Variants in NUBPL observed in about 807,000 individuals in gnomAD.
The protein encoded by NUBPL is iron-sulfur cluster transfer protein NUBPL.
Under a neutral mutation model 45.7 loss-of-function variants are expected in NUBPL, and 31 were observed. That is an observed-to-expected ratio of 0.68 (90% CI 0.51 to 0.92). The LOEUF (loss-of-function observed/expected upper bound fraction) is 0.92, where lower values mean the gene tolerates loss of function less well. Among genes scored for constraint, NUBPL ranks in the 40% least tolerant of loss-of-function variants. The pLI is 0.00. For missense variants in NUBPL, 401 were observed against 398.7 expected, an observed-to-expected ratio of 1.01 and a Z score of -0.05; for synonymous variants, 144 against 140.9, an observed-to-expected ratio of 1.02 and a Z score of -0.15.
intron 4 of NUBPL, among the ~76,000 whole-genome samples, chr14:31,632,261 A>G (rs2035365172): frequency 6.6e-6 from 1 of 152,132 alleles, no homozygotes; most frequent in Non-Finnish European, 1.5e-5. Flanking sequence ...AGTTGGGGGG[A>G]AGGAGTATCC....
At chr14:31,693,514 T>G (rs2037137270) in intron 6 of NUBPL, among the ~76,000 whole-genome samples, 1 of 152,196 alleles carries the variant, frequency 6.6e-6, no homozygotes, top group Admixed American at 6.5e-5. Context: ...AATTATGTTC[T>G]TAAGATATTA....
At chr14:31,852,802 G>C (rs866413680) in intron 10 of NUBPL, among the ~76,000 whole-genome samples, 27 of 152,292 alleles carry the variant, frequency 1.8e-4, no homozygotes, top group Middle Eastern at 6.8e-3. Context: ...GAATCCTCCA[G>C]TTAGTCTTGT....
chr14:31,792,402 T>C (rs981381281), intron 7 of NUBPL, among the ~76,000 whole-genome samples: 3 of 152,192 alleles, frequency 2.0e-5, no homozygotes, highest in African/African-American at 7.2e-5. Flanking sequence ...ATTCTGGAAG[T>C]AGTCTAGAAG....
At chr14:31,815,921 G>T (rs1273081891) in intron 7 of NUBPL, among the ~76,000 whole-genome samples, 1 of 152,144 alleles carries the variant, frequency 6.6e-6, no homozygotes, top group Admixed American at 6.6e-5. Context: ...TTTATGTGCT[G>T]CTGGATTCGG....
intron 3 of NUBPL, among the ~76,000 whole-genome samples, chr14:31,583,007 T>C (rs1306465886): frequency 2.6e-5 from 4 of 152,342 alleles, no homozygotes; most frequent in African/African-American, 9.6e-5. Context: ...CAAAATTCCC[T>C]GCAAGGCTGC....
chr14:31,771,530 G>A (rs1168471609), intron 6 of NUBPL, among the ~76,000 whole-genome samples: 1 of 152,124 alleles, frequency 6.6e-6, no homozygotes, highest in Non-Finnish European at 1.5e-5. Context: ...GAACAGTGAT[G>A]CTGTGCTGCA....
At chr14:31,616,480 C>G (rs1047445670) in intron 4 of NUBPL, among the ~76,000 whole-genome samples, 5 of 134,516 alleles carry the variant, frequency 3.7e-5, no homozygotes, top group Non-Finnish European at 6.5e-5. Flanking sequence ...TTTCAGCTTT[C>G]TGCATATGGC....
intron 3 of NUBPL, among the ~76,000 whole-genome samples, chr14:31,568,317 A>G (rs2033492145): frequency 6.6e-6 from 1 of 152,224 alleles, no homozygotes; most frequent in South Asian, 2.1e-4. Flanking sequence ...CAAGGATGAA[A>G]AAAACAGTTA....
intron 4 of NUBPL, among the ~76,000 whole-genome samples, chr14:31,626,159 A>T (rs530507889): frequency 1.5e-3 from 226 of 151,792 alleles, no homozygotes; most frequent in Middle Eastern, 0.014. Flanking sequence ...ATCTTATTTT[A>T]TTTTATTTTA....
intron 4 of NUBPL, among the ~76,000 whole-genome samples, chr14:31,660,324 G>A (rs116978672): frequency 1.8e-4 from 28 of 152,218 alleles, no homozygotes; most frequent in Non-Finnish European, 3.7e-4. Flanking sequence ...GAACCACTTT[G>A]TCTCACACAG....
At chr14:31,774,263 T>C (rs12590375) in intron 6 of NUBPL, among the ~76,000 whole-genome samples, 2 of 152,132 alleles carry the variant, frequency 1.3e-5, no homozygotes, top group African/African-American at 2.4e-5. Context: ...AAGTGTAAGT[T>C]GACCCTATGG....
intron 6 of NUBPL, among the ~76,000 whole-genome samples, chr14:31,782,147 A>C (rs1402311963): frequency 6.6e-6 from 1 of 152,132 alleles, no homozygotes; most frequent in Non-Finnish European, 1.5e-5. Context: ...CTGTAATCCC[A>C]ACAGTTTGGG....
chr14:31,569,934 G>A (rs573679858), intron 3 of NUBPL, among the ~76,000 whole-genome samples: 7 of 151,410 alleles, frequency 4.6e-5, no homozygotes, highest in Non-Finnish European at 1.0e-4. Flanking sequence ...ATTCTTTTAC[G>A]GCAAAAATTT....
chr14:31,699,357 G>T (rs1353666566), intron 6 of NUBPL, among the ~76,000 whole-genome samples: 1 of 152,154 alleles, frequency 6.6e-6, no homozygotes, highest in South Asian at 2.1e-4. Flanking sequence ...TTTACTAAAA[G>T]TAGCTACCTA....
At position 31,563,438 on chromosome 14, in the gene NUBPL, G is replaced by A. The variant is rs189930911; in HGVS notation, c.256+1223G>A. ...TGAGAAAGTGTACAACATGTGACAC[G>A]TAATGGGTGCTTCAGTAAATGTCCC... On this transcript the variant is annotated intron_variant, in intron 2 of 10. Transcript: ENST00000281081. 1.4e-4 allele frequency among the ~76,000 whole-genome samples: 22 copies of A among 152,302 alleles called. No homozygotes were observed. The East Asian group carries it at 2.1e-3, about 15-fold the overall frequency.
chr14:31,649,626 C>T (rs1462134386), intron 4 of NUBPL, among the ~76,000 whole-genome samples: 1 of 152,008 alleles, frequency 6.6e-6, no homozygotes, highest in Non-Finnish European at 1.5e-5. Flanking sequence ...TACAAGTAAC[C>T]ATTTTTGTAT....
At chr14:31,725,866 C>T (rs1240349350) in intron 6 of NUBPL, among the ~76,000 whole-genome samples, 2 of 151,788 alleles carry the variant, frequency 1.3e-5, no homozygotes, top group Admixed American at 6.6e-5. Flanking sequence ...CCCACCACCA[C>T]GCCCAGATAA....
At chr14:31,658,253 G>C (rs1024426538) in intron 4 of NUBPL, among the ~76,000 whole-genome samples, 4 of 152,174 alleles carry the variant, frequency 2.6e-5, no homozygotes, top group African/African-American at 7.2e-5. Context: ...TATGTGAAAA[G>C]AATATGGCAC....
chr14:31,821,359 T>C lies in NUBPL; in HGVS notation c.608-5270T>C, dbSNP rs189304086. Among the ~76,000 whole-genome samples, 278 of 152,280 alleles carry C rather than the reference T, an allele frequency of 1.8e-3. 1 individual carries two copies. Among genetic ancestry groups the C allele is most frequent in the African/African-American group, 6.4e-3 (264 of 41,574 alleles). On this transcript the variant is annotated intron_variant, in intron 7 of 10. Coordinates refer to ENST00000281081, the MANE Select transcript of NUBPL (RefSeq NM_025152.3). ...TCTATAGGAAAAAATCTAACAATCC[T>C]GTTTAAAAATTGGCAAAAGATCTGA... is the stretch of plus-strand genomic sequence containing the variant.
Sources: gnomAD v4.1 joint callset for allele counts (sites outside exome capture counted in the v4.1 genomes callset) on GRCh38, gnomAD v4.1.1 for gene constraint, MANE v1.5 for transcripts, NCBI Gene and HGNC (gene_info 2026-07-23, HGNC 2026-07-21) for gene names.